Variants in DPYD observed in about 807,000 individuals in gnomAD.
The protein encoded by DPYD is dihydropyrimidine dehydrogenase, also known as dihydropyrimidine dehydrogenase [NADP(+)].
DPYD carries 109 observed loss-of-function variants against 116.2 expected under a neutral mutation model. That is an observed-to-expected ratio of 0.94 (90% CI 0.80 to 1.10). The LOEUF (loss-of-function observed/expected upper bound fraction) is 1.10, where lower values mean the gene tolerates loss of function less well. Ranked by LOEUF, DPYD falls within the 50% of genes least tolerant of loss-of-function variation. The pLI is 0.00. For synonymous variants in DPYD, 440 were observed against 432.0 expected (o/e 1.02, Z -0.23); for missense variants, 1,302 against 1,254.5 (o/e 1.04, Z -0.57).
At chr1:97,765,693 G>A (rs749590497) in intron 3 of DPYD, among the ~76,000 whole-genome samples, 1 of 152,176 alleles carries the variant, frequency 6.6e-6, no homozygotes, top group Non-Finnish European at 1.5e-5. Flanking sequence ...ATACATGCAC[G>A]TTGTTCTAGG....
At chr1:97,883,081 AT>A (rs1329606168) in intron 2 of DPYD, among the ~76,000 whole-genome samples, 182 bp downstream of exon 2, 1 of 151,970 alleles carries the variant, frequency 6.6e-6, no homozygotes, top group Non-Finnish European at 1.5e-5. Context: ...ATTTCAGGAG[AT>A]TTTTTAAAGC....
chr1:97,415,396 C>T (rs868052152), intron 14 of DPYD, among the ~76,000 whole-genome samples: 2 of 152,138 alleles, frequency 1.3e-5, no homozygotes, highest in African/African-American at 4.8e-5. Flanking sequence ...GGTGCAGTCT[C>T]GGCTCACTGC....
chr1:97,721,737 C>A (rs558233285), intron 4 of DPYD, 66 bp from the exon 5 acceptor site: 2 of 1,465,458 alleles, frequency 1.4e-6, no homozygotes, highest in African/African-American at 2.8e-5. Context: ...CAAATTACGA[C>A]AAACATTATT....
intron 13 of DPYD, among the ~76,000 whole-genome samples, chr1:97,474,096 G>C (rs1366133127): frequency 1.3e-5 from 2 of 151,196 alleles, no homozygotes; most frequent in Non-Finnish European, 2.9e-5. Context: ...ATAGGTTACC[G>C]TATGATCCAG....
intron 2 of DPYD, among the ~76,000 whole-genome samples, chr1:97,835,857 A>AG (rs1043742702): frequency 6.6e-6 from 1 of 152,118 alleles, no homozygotes; most frequent in Non-Finnish European, 1.5e-5. Flanking sequence ...TCTTGACAAG[A>AG]GGGAAGGCTC....
At chr1:97,523,580 C>T (rs1648842293) in intron 12 of DPYD, among the ~76,000 whole-genome samples, 1 of 152,222 alleles carries the variant, frequency 6.6e-6, no homozygotes, top group South Asian at 2.1e-4. Flanking sequence ...TTCTCCCTCC[C>T]CGCCCTTTCT....
At chr1:97,687,693 A>G (rs987020908) in intron 7 of DPYD, among the ~76,000 whole-genome samples, 5 of 152,210 alleles carry the variant, frequency 3.3e-5, no homozygotes, top group African/African-American at 1.2e-4. Context: ...TCACTGCAGC[A>G]TTATTCACAA....
chr1:97,644,469 C>A (rs887792983), intron 8 of DPYD, among the ~76,000 whole-genome samples: 3 of 152,036 alleles, frequency 2.0e-5, no homozygotes, highest in African/African-American at 7.2e-5. Context: ...CCATCTATTG[C>A]CCTGTCTGAA....
At chr1:97,696,847 C>T (rs1661334906) in intron 6 of DPYD, among the ~76,000 whole-genome samples, 1 of 152,004 alleles carries the variant, frequency 6.6e-6, no homozygotes, top group Admixed American at 6.6e-5. Context: ...CAAAATATTT[C>T]CTATTGCTAT....
chr1:97,511,229 ACTAT>A (rs997887185), intron 13 of DPYD, among the ~76,000 whole-genome samples: 3 of 152,046 alleles, frequency 2.0e-5, no homozygotes, highest in African/African-American at 7.2e-5. Context: ...TGAAAACAAT[ACTAT>A]CTATCTTATA....
At chr1:97,809,381 T>A (rs1016488867) in intron 3 of DPYD, among the ~76,000 whole-genome samples, 2 of 152,182 alleles carry the variant, frequency 1.3e-5, no homozygotes, top group African/African-American at 4.8e-5. Flanking sequence ...TGGGATTCTG[T>A]TAACCACCCT....
intron 8 of DPYD, among the ~76,000 whole-genome samples, chr1:97,633,846 G>A (rs913995950): frequency 4.6e-5 from 7 of 152,008 alleles, no homozygotes; most frequent in African/African-American, 4.8e-5. Flanking sequence ...TGGAATAGTC[G>A]GGTTATATTA....
chr1:97,521,073 C>G (rs1380951541), intron 12 of DPYD, among the ~76,000 whole-genome samples: 1 of 152,168 alleles, frequency 6.6e-6, no homozygotes, highest in African/African-American at 2.4e-5. Context: ...AATGGTTGAA[C>G]TAATTTACAC....
intron 12 of DPYD, among the ~76,000 whole-genome samples, chr1:97,545,486 C>A (rs894313750): frequency 6.6e-6 from 1 of 152,036 alleles, no homozygotes; most frequent in African/African-American, 2.4e-5. Context: ...GGAGTTGGAG[C>A]AAGTTGGGAA....
intron 16 of DPYD, among the ~76,000 whole-genome samples, chr1:97,332,987 CTT>C (rs750416631): frequency 1.3e-5 from 2 of 151,190 alleles, no homozygotes; most frequent in South Asian, 2.1e-4. Context: ...AGTCTCAACT[CTT>C]TTTTTAACTT....
Position 97,169,688 on chromosome 1 carries a change from A to G in DPYD, c.2622+23381T>C, listed in dbSNP as rs923860583. Among the ~76,000 whole-genome samples, 4 of 152,162 alleles carry G rather than the reference A, an allele frequency of 2.6e-5. 1 individual carries two copies. The highest frequency in any genetic ancestry group is 2.6e-4 in the Admixed American group (4 of 15,260). Reference sequence around the variant, plus strand: ...TAGCAACCTGTCACATTTAATCACTACTGAACTAGCCATGTTGTTTTAATC... The same window carrying G: ...TAGCAACCTGTCACATTTAATCACTGCTGAACTAGCCATGTTGTTTTAATC... On this transcript the variant is annotated intron_variant, in intron 20 of 22. Coordinates refer to ENST00000370192, the MANE Select transcript of DPYD (RefSeq NM_000110.4).
intron 14 of DPYD, among the ~76,000 whole-genome samples, chr1:97,448,173 C>A (rs1048724742): frequency 6.6e-6 from 1 of 151,946 alleles, no homozygotes; most frequent in South Asian, 2.1e-4. Context: ...GCCATGATGG[C>A]GCCAATGTAC....
chr1:97,725,940 T>C (rs1009570924), intron 4 of DPYD, among the ~76,000 whole-genome samples: 4 of 151,532 alleles, frequency 2.6e-5, no homozygotes, highest in Non-Finnish European at 5.9e-5. Flanking sequence ...CATCAGTGAA[T>C]TGTCAACTTC....
chr1:97,356,948 G>A (rs1400168135), intron 16 of DPYD, among the ~76,000 whole-genome samples: 1 of 152,196 alleles, frequency 6.6e-6, no homozygotes, highest in Non-Finnish European at 1.5e-5. Flanking sequence ...GAATCAGTTA[G>A]TATGATGTCC....
Sources: allele counts gnomAD v4.1 joint callset (sites outside exome capture counted in the v4.1 genomes callset), GRCh38; gene constraint gnomAD v4.1.1; transcripts MANE v1.5; gene names NCBI Gene and HGNC (gene_info 2026-07-23, HGNC 2026-07-21).